Variants in PPP1R12A observed in about 807,000 individuals in gnomAD.
PPP1R12A encodes protein phosphatase 1 regulatory subunit 12A.
PPP1R12A carries 19 observed loss-of-function variants against 139.6 expected under a neutral mutation model. The ratio of observed to expected loss-of-function variants is 0.14; its 90% CI spans 0.09 to 0.20. The LOEUF (loss-of-function observed/expected upper bound fraction) is 0.20. Ranked by LOEUF, PPP1R12A falls within the 10% of genes least tolerant of loss-of-function variation. The probability of loss-of-function intolerance (pLI) is 1.00; values close to 1 mark genes in which losing one functional copy is unlikely to be tolerated. For missense variants in PPP1R12A, 925 were observed against 1,211.5 expected (o/e 0.76, Z 3.51); for synonymous variants, 427 against 420.6 (o/e 1.02, Z -0.19).
At chr12:79,884,425 T>C (rs1883919367) in intron 1 of PPP1R12A, among the ~76,000 whole-genome samples, 1 of 152,196 alleles carries the variant, frequency 6.6e-6, no homozygotes, top group Non-Finnish European at 1.5e-5. Context: ...ATAAATTAAA[T>C]GCTAAAAGCA....
At chr12:79,828,063 A>G (rs1249522113) in intron 5 of PPP1R12A, 2 of 246,136 alleles carry the variant, frequency 8.1e-6, no homozygotes, top group East Asian at 1.6e-4. Context: ...TCTACTCTAC[A>G]TGTATGGCAA....
chr12:79,842,337 A>T (rs1337505872), intron 3 of PPP1R12A, among the ~76,000 whole-genome samples: 1 of 152,184 alleles, frequency 6.6e-6, no homozygotes, highest in Admixed American at 6.5e-5. Flanking sequence ...ACCCGCAGTC[A>T]TTAGGAATTT....
chr12:79,878,796 T>G (rs1259872447), intron 1 of PPP1R12A, among the ~76,000 whole-genome samples: 1 of 152,122 alleles, frequency 6.6e-6, no homozygotes, highest in Non-Finnish European at 1.5e-5. Context: ...CCCCCATGAT[T>G]CATTCAATTA....
At chr12:79,934,661 A>AG in intron 1 of PPP1R12A, 34 bp downstream of exon 1, 1 of 1,490,482 alleles carries the variant, frequency 6.7e-7, no homozygotes, top group Non-Finnish European at 9.0e-7. Context: ...GAGAACCCTC[A>AG]CGGTCAGGAG....
chr12:79,774,984 T>C lies in PPP1R12A; in HGVS notation c.*945A>G, dbSNP rs903965221. 6.6e-6 allele frequency: 1 copy of C among 152,412 alleles called. No individual in the cohort carries two copies. The highest frequency in any genetic ancestry group is 2.4e-5 in the African/African-American group (1 of 41,454). The allele number at this position is 152,412 out of a possible 1,614,324, so 9.4% of individuals were successfully genotyped here. A position where few individuals can be genotyped will look rare whatever the true frequency, so the allele number is the denominator to read the frequency against. On this transcript the variant is annotated 3_prime_UTR_variant, in exon 25 of 25. Coordinates refer to ENST00000450142, the MANE Select transcript of PPP1R12A (RefSeq NM_002480.3). The stretch of plus-strand genomic sequence containing the variant: ...GTCTTTATATCACATTGTTAGCAAA[T>C]TTTGTTTTTTAACACTATCATGGAG...
chr12:79,919,043 G>A (rs1887224701), intron 1 of PPP1R12A, among the ~76,000 whole-genome samples: 1 of 152,008 alleles, frequency 6.6e-6, no homozygotes, highest in African/African-American at 2.4e-5. Flanking sequence ...TTGAACCGGG[G>A]AGGCAGAGGT....
chr12:79,807,058 A>G (rs1392175464), intron 12 of PPP1R12A, 168 bp downstream of exon 12: 7 of 445,056 alleles, frequency 1.6e-5, no homozygotes, highest in African/African-American at 1.4e-4. Flanking sequence ...ATTATCACCT[A>G]TCTTTAAATA....
At chr12:79,859,911 C>T (rs1881124668) in intron 2 of PPP1R12A, among the ~76,000 whole-genome samples, 1 of 152,144 alleles carries the variant, frequency 6.6e-6, no homozygotes, top group Non-Finnish European at 1.5e-5. Flanking sequence ...AAGACGCTGT[C>T]TCAAACAAAC....
chr12:79,873,592 A>G (rs936967284), intron 1 of PPP1R12A, among the ~76,000 whole-genome samples: 1 of 151,218 alleles, frequency 6.6e-6, no homozygotes, highest in Non-Finnish European at 1.5e-5. Flanking sequence ...CTTGAGTTTG[A>G]GTTCAAGGCT....
intron 1 of PPP1R12A, among the ~76,000 whole-genome samples, chr12:79,885,814 T>A (rs896061827): frequency 9.8e-5 from 15 of 152,316 alleles, no homozygotes; most frequent in African/African-American, 3.6e-4. Context: ...TTACTTTGAA[T>A]ACAGAAGTTC....
intron 1 of PPP1R12A, among the ~76,000 whole-genome samples, chr12:79,878,051 T>TG (rs377547899): frequency 1.7e-4 from 26 of 152,246 alleles, no homozygotes; most frequent in African/African-American, 6.3e-4. Context: ...AAGGTTTTTT[T>TG]TTTGTTTGTT....
At chr12:79,815,049 G>GAGATT (rs1348345874) in intron 9 of PPP1R12A, among the ~76,000 whole-genome samples, 11 of 152,090 alleles carry the variant, frequency 7.2e-5, no homozygotes, top group African/African-American at 2.7e-4. Context: ...TTACAGCAAA[G>GAGATT]AGATTACTGG....
intron 20 of PPP1R12A, 104 bp downstream of exon 20, chr12:79,790,363 A>C: frequency 1.2e-6 from 1 of 854,318 alleles, no homozygotes; most frequent in Non-Finnish European, 1.7e-6. Context: ...TTTTATTATC[A>C]AATAATTCTA....
intron 1 of PPP1R12A, among the ~76,000 whole-genome samples, chr12:79,933,552 G>C (rs1888409563): frequency 6.6e-6 from 1 of 152,218 alleles, no homozygotes; most frequent in Non-Finnish European, 1.5e-5. Flanking sequence ...TCATTGTTAA[G>C]GGGAAGCTAT....
chr12:79,851,758 C>G (rs1880066018), intron 2 of PPP1R12A, among the ~76,000 whole-genome samples: 1 of 152,184 alleles, frequency 6.6e-6, no homozygotes, highest in Non-Finnish European at 1.5e-5. Context: ...TCAGAGAGAT[C>G]TGATGGCATA....
chr12:79,805,537 C>G, intron 14 of PPP1R12A, 55 bp downstream of exon 14: 3 of 1,522,038 alleles, frequency 2.0e-6, no homozygotes, highest in Non-Finnish European at 2.7e-6. Flanking sequence ...AAACAAAAAA[C>G]AACTTTCATC....
At position 79,821,059 on chromosome 12, in the gene PPP1R12A, A is replaced by G; in HGVS notation, c.956+19T>C. 2 of 1,597,576 alleles carry G rather than the reference A, an allele frequency of 1.3e-6. No homozygotes were observed. Among genetic ancestry groups the G allele is most frequent in the Non-Finnish European group, 1.7e-6 (2 of 1,166,024 alleles). On this transcript the variant is annotated intron_variant, in intron 7 of 24. Transcript: ENST00000450142. ...ACTCATTAACAAAAATAACAAATGT[A>G]CTTGAATATTTTACTCACTTTTTAA... is the stretch of plus-strand genomic sequence containing the variant.
intron 4 of PPP1R12A, among the ~76,000 whole-genome samples, chr12:79,829,244 A>G (rs1877134394): frequency 6.6e-6 from 1 of 152,184 alleles, no homozygotes; most frequent in South Asian, 2.1e-4. Context: ...ATAGCCCCAC[A>G]CAAACAGGTG....
At chr12:79,879,593 A>G (rs1883438293) in intron 1 of PPP1R12A, among the ~76,000 whole-genome samples, 1 of 152,186 alleles carries the variant, frequency 6.6e-6, no homozygotes, top group Non-Finnish European at 1.5e-5. Flanking sequence ...CTTCAACAAC[A>G]TGAATGAAAT....
Sources: allele counts gnomAD v4.1 joint callset (sites outside exome capture counted in the v4.1 genomes callset), GRCh38; gene constraint gnomAD v4.1.1; transcripts MANE v1.5; gene names NCBI Gene and HGNC (gene_info 2026-07-23, HGNC 2026-07-21).